The following MDGA2 variants were observed in gnomAD, a reference collection of about 807,000 sequenced individuals.
MDGA2 encodes MAM domain-containing glycosylphosphatidylinositol anchor protein 2.
Under a neutral mutation model 117.8 loss-of-function variants are expected in MDGA2, and 40 were observed. The ratio of observed to expected loss-of-function variants is 0.34; its 90% CI spans 0.26 to 0.44. The LOEUF is 0.44. Among genes scored for constraint, MDGA2 ranks in the 20% least tolerant of loss-of-function variants. The pLI, the probability that MDGA2 is intolerant of heterozygous loss-of-function variation, is 1.00. For synonymous variants in MDGA2, 452 were observed against 439.0 expected, an observed-to-expected ratio of 1.03 and a Z score of -0.37; for missense variants, 1,123 against 1,250.6, an observed-to-expected ratio of 0.90 and a Z score of 1.54.
At chr14:46,998,920 C>T (rs1179992556) in intron 8 of MDGA2, among the ~76,000 whole-genome samples, 4 of 152,034 alleles carry the variant, frequency 2.6e-5, no homozygotes. Flanking sequence ...TGTTCAACTA[C>T]AAATTGTTCT....
chr14:47,271,890 C>A (rs1026471745), intron 2 of MDGA2, among the ~76,000 whole-genome samples: 1 of 152,032 alleles, frequency 6.6e-6, no homozygotes, highest in African/African-American at 2.4e-5. Flanking sequence ...GGACTTCACC[C>A]TTGACAAGTC....
At chr14:46,888,001 T>G (rs1882735318) in intron 10 of MDGA2, among the ~76,000 whole-genome samples, 1 of 151,940 alleles carries the variant, frequency 6.6e-6, no homozygotes, top group South Asian at 2.1e-4. Flanking sequence ...TATCCTCTTG[T>G]TATAATGAGT....
chr14:47,158,229 GT>G (rs1276147864), intron 3 of MDGA2, among the ~76,000 whole-genome samples: 1 of 152,094 alleles, frequency 6.6e-6, no homozygotes, highest in Non-Finnish European at 1.5e-5. Flanking sequence ...GTGGTCTAGG[GT>G]TAATAGGCTA....
chr14:47,064,421 GT>G (rs1172604388), intron 6 of MDGA2, among the ~76,000 whole-genome samples: 1 of 152,094 alleles, frequency 6.6e-6, no homozygotes. Flanking sequence ...AACATAACTG[GT>G]TTTGCATACA....
intron 1 of MDGA2, among the ~76,000 whole-genome samples, chr14:47,564,578 G>A (rs1895880821): frequency 6.6e-6 from 1 of 152,100 alleles, no homozygotes; most frequent in African/African-American, 2.4e-5. Flanking sequence ...TCTCCCACCA[G>A]GTCCCTCCCA....
intron 3 of MDGA2, among the ~76,000 whole-genome samples, chr14:47,175,737 C>T (rs1343016144): frequency 1.4e-5 from 2 of 146,014 alleles, no homozygotes; most frequent in East Asian, 4.0e-4. Context: ...TGAAAACTGG[C>T]ACAAGACAGG....
intron 1 of MDGA2, among the ~76,000 whole-genome samples, chr14:47,403,416 T>C (rs918992917): frequency 6.6e-6 from 1 of 152,210 alleles, no homozygotes; most frequent in African/African-American, 2.4e-5. Context: ...TAGATGAATG[T>C]TGGATGATCA....
intron 3 of MDGA2, among the ~76,000 whole-genome samples, chr14:47,206,668 T>C (rs1402227134): frequency 1.3e-5 from 2 of 152,044 alleles, no homozygotes; most frequent in African/African-American, 4.8e-5. Flanking sequence ...AGCTGGAGGA[T>C]TGCTTGAGGC....
At chr14:47,465,758 T>C (rs1158980820) in intron 1 of MDGA2, among the ~76,000 whole-genome samples, 2 of 152,116 alleles carry the variant, frequency 1.3e-5, no homozygotes, top group Non-Finnish European at 1.5e-5. Context: ...AACCATTGTG[T>C]AAAGCAGGAT....
At chr14:47,549,646 G>A (rs1895542419) in intron 1 of MDGA2, among the ~76,000 whole-genome samples, 1 of 152,110 alleles carries the variant, frequency 6.6e-6, no homozygotes, top group Non-Finnish European at 1.5e-5. Context: ...TGTATTTGGA[G>A]ATATGGCCTA....
intron 8 of MDGA2, among the ~76,000 whole-genome samples, chr14:46,969,434 T>C (rs1471505537): frequency 2.0e-5 from 3 of 152,196 alleles, no homozygotes; most frequent in Non-Finnish European, 2.9e-5. Context: ...TTTTTAATGA[T>C]CACCATGCTA....
intron 11 of MDGA2, among the ~76,000 whole-genome samples, chr14:46,881,779 G>A (rs183986245): frequency 7.2e-4 from 110 of 152,022 alleles, no homozygotes; most frequent in African/African-American, 2.6e-3. Context: ...ATAACTTGTA[G>A]GATCAAAAAT....
intron 1 of MDGA2, among the ~76,000 whole-genome samples, chr14:47,661,796 G>C (rs1327275558): frequency 1.6e-5 from 2 of 126,530 alleles, no homozygotes; most frequent in East Asian, 5.5e-4. Flanking sequence ...TTGTTGCCCA[G>C]GATGGAGTGC....
rs142971621 is a variant in MDGA2, at chr14:47,615,632, A to G, written c.280+58885T>C. 3.5e-3 allele frequency among the ~76,000 whole-genome samples: 527 copies of G among 152,358 alleles called. 4 individuals are homozygous for G. The highest frequency in any genetic ancestry group is 0.012 in the African/African-American group (496 of 41,580). ...GGTCAGTTAGACAGAGGATAGAAGGAAGAGGACAAATGCACATTGACACAG... is the reference window on the plus strand; with the variant it reads ...GGTCAGTTAGACAGAGGATAGAAGGGAGAGGACAAATGCACATTGACACAG... On this transcript the variant is annotated intron_variant, in intron 1 of 16. Transcript: ENST00000399232.
At chr14:47,526,234 T>A (rs1456699989) in intron 1 of MDGA2, among the ~76,000 whole-genome samples, 1 of 152,216 alleles carries the variant, frequency 6.6e-6, no homozygotes, top group Non-Finnish European at 1.5e-5. Flanking sequence ...TTTGTGGTCA[T>A]CTGAACCTGT....
intron 3 of MDGA2, among the ~76,000 whole-genome samples, chr14:47,211,295 C>T (rs1885874204): frequency 6.6e-6 from 1 of 152,090 alleles, no homozygotes; most frequent in African/African-American, 2.4e-5. Context: ...TGATATTTTC[C>T]CTACTTGCTA....
At chr14:47,160,347 T>C (rs1883580929) in intron 3 of MDGA2, among the ~76,000 whole-genome samples, 1 of 152,172 alleles carries the variant, frequency 6.6e-6, no homozygotes, top group African/African-American at 2.4e-5. Flanking sequence ...TTCTCAGGCA[T>C]CTATCTTGCA....
At chr14:46,921,635 G>GAAAAA (rs894247121) in intron 9 of MDGA2, among the ~76,000 whole-genome samples, 2 of 149,372 alleles carry the variant, frequency 1.3e-5, no homozygotes, top group Non-Finnish European at 3.0e-5. Context: ...AAAAAGAAAA[G>GAAAAA]AAAAAAAAGA....
intron 9 of MDGA2, among the ~76,000 whole-genome samples, chr14:46,926,470 T>C (rs998203625): frequency 6.6e-6 from 1 of 151,326 alleles, no homozygotes; most frequent in Non-Finnish European, 1.5e-5. Flanking sequence ...CTCTAGAAGC[T>C]AATACATATA....
Sources: gnomAD v4.1 joint callset for allele counts (sites outside exome capture counted in the v4.1 genomes callset) on GRCh38, gnomAD v4.1.1 for gene constraint, MANE v1.5 for transcripts, NCBI Gene and HGNC (gene_info 2026-07-23, HGNC 2026-07-21) for gene names.